The following UBE2L3 variants were observed in gnomAD, a reference collection of about 807,000 sequenced individuals.
The protein encoded by UBE2L3 is ubiquitin conjugating enzyme E2 L3.
In UBE2L3, 1 loss-of-function variant was observed where a neutral mutation model predicts 17.8. That is an observed-to-expected ratio of 0.06 (90% CI 0.02 to 0.27). The LOEUF is 0.27. UBE2L3 is among the 10% of genes least tolerant of loss of function. The pLI, the probability that UBE2L3 is intolerant of heterozygous loss-of-function variation, is 1.00. For missense variants in UBE2L3, 40 were observed against 192.6 expected, an observed-to-expected ratio of 0.21 and a Z score of 4.69; for synonymous variants, 44 against 68.5, an observed-to-expected ratio of 0.64 and a Z score of 1.76.
At chr22:21,610,733 C>G (rs1601437746) in intron 2 of UBE2L3, 124 bp from the exon 3 acceptor site, 1 of 1,099,240 alleles carries the variant, frequency 9.1e-7, no homozygotes, top group Admixed American at 3.4e-5. Context: ...GGTGGCAGGG[C>G]TTCAGTTGAT....
Position 21,591,416 on chromosome 22 carries a change from G to T in UBE2L3, c.28-1445G>T, listed in dbSNP as rs146164903. On this transcript the variant is annotated intron_variant, in intron 1 of 3. Transcript: ENST00000342192. Reference sequence around the variant, plus strand: ...AGGGTGACAGGCAGGAGCACCCTGTGGGGGGAAACTTGTGCCTGTTGCCTG... The same window carrying T: ...AGGGTGACAGGCAGGAGCACCCTGTTGGGGGAAACTTGTGCCTGTTGCCTG... 5.9e-5 allele frequency among the ~76,000 whole-genome samples: 9 copies of T among 152,272 alleles called. No individual in the cohort carries two copies. The East Asian group carries it at 9.6e-4, about 16-fold the overall frequency.
At chr22:21,598,383 G>A (rs1227702805) in intron 2 of UBE2L3, among the ~76,000 whole-genome samples, 7 of 151,612 alleles carry the variant, frequency 4.6e-5, no homozygotes, top group African/African-American at 1.7e-4. Flanking sequence ...TTAAGTTTTG[G>A]TATGTCATTT....
At chr22:21,600,539 T>A in intron 2 of UBE2L3, among the ~76,000 whole-genome samples, 1 of 150,944 alleles carries the variant, frequency 6.6e-6, no homozygotes, top group African/African-American at 2.4e-5. Flanking sequence ...CTACTAAAAA[T>A]ATAAAAATTA....
upstream of UBE2L3, among the ~76,000 whole-genome samples, chr22:21,565,018 T>C (rs1926578067): frequency 6.6e-6 from 1 of 151,980 alleles, no homozygotes; most frequent in Non-Finnish European, 1.5e-5. Context: ...TCATCTAGTT[T>C]CTCCCTCCTT....
chr22:21,588,583 C>T (rs886862565), intron 1 of UBE2L3, among the ~76,000 whole-genome samples: 2 of 150,930 alleles, frequency 1.3e-5, no homozygotes, highest in South Asian at 2.1e-4. Flanking sequence ...GTGATTCTTC[C>T]GCTTTCACCT....
intron 1 of UBE2L3, among the ~76,000 whole-genome samples, chr22:21,557,820 C>T (rs1463249961): frequency 4.6e-5 from 7 of 152,170 alleles, no homozygotes; most frequent in Non-Finnish European, 7.3e-5. Flanking sequence ...AGCACCCGGC[C>T]GGCAGATCTA....
chr22:21,584,623 G>A (rs1360808267), intron 1 of UBE2L3, among the ~76,000 whole-genome samples: 3 of 151,508 alleles, frequency 2.0e-5, no homozygotes, highest in Non-Finnish European at 4.4e-5. Flanking sequence ...GTAGAGATGA[G>A]GTCTTACTGT....
At chr22:21,573,037 C>G (rs1256814790) in intron 1 of UBE2L3, among the ~76,000 whole-genome samples, 1 of 152,132 alleles carries the variant, frequency 6.6e-6, no homozygotes, top group Non-Finnish European at 1.5e-5. Flanking sequence ...TTCAGGCCAT[C>G]CCTGTTTGTG....
intron 1 of UBE2L3, among the ~76,000 whole-genome samples, chr22:21,562,670 CTTTTTTTTTT>C (rs131653): frequency 2.9e-5 from 3 of 105,224 alleles, no homozygotes; most frequent in Non-Finnish European, 5.7e-5. Flanking sequence ...CACGCCTGGG[CTTTTTTTTTT>C]TTTTTTTTTT....
At chr22:21,563,204 T>C (rs571533583), upstream of UBE2L3, among the ~76,000 whole-genome samples, 58 of 113,354 alleles carry the variant, frequency 5.1e-4, 2 homozygotes, top group African/African-American at 1.9e-3. Context: ...ATTGCGCCAC[T>C]GCACTCCAGC....
chr22:21,578,993 ATTTATTTATTTT>A (rs1927477558), intron 1 of UBE2L3, among the ~76,000 whole-genome samples: 1 of 148,416 alleles, frequency 6.7e-6, no homozygotes, highest in African/African-American at 2.5e-5. Context: ...TTATTTATTT[ATTTATTTATTTT>A]TTGAGATGGA....
upstream of UBE2L3, among the ~76,000 whole-genome samples, chr22:21,567,354 C>T (rs2194827): frequency 7.0e-3 from 1,069 of 152,184 alleles, 8 homozygotes; most frequent in African/African-American, 0.024. Flanking sequence ...TAGTAGAGAC[C>T]GAGTTTCACC....
intron 1 of UBE2L3, among the ~76,000 whole-genome samples, chr22:21,589,238 T>C (rs921053505): frequency 6.7e-6 from 1 of 149,162 alleles, no homozygotes; most frequent in Non-Finnish European, 1.5e-5. Context: ...CTCTGCCTCC[T>C]GGGTTCACGC....
intron 1 of UBE2L3, among the ~76,000 whole-genome samples, chr22:21,581,569 A>G (rs111965459): frequency 0.013 from 2,003 of 152,256 alleles, 49 homozygotes; most frequent in African/African-American, 0.047. Flanking sequence ...TGGGAGGCCT[A>G]GATGGGCAGA....
At chr22:21,586,875 CTT>C (rs34463645) in intron 1 of UBE2L3, among the ~76,000 whole-genome samples, 20,709 of 118,456 alleles carry the variant, frequency 0.17, 2,357 homozygotes, top group East Asian at 0.46. Context: ...TGTGCCCGGC[CTT>C]TTTTTTTTTT....
chr22:21,610,833 A>G, intron 2 of UBE2L3, 24 bp from the exon 3 acceptor site: 2 of 1,577,178 alleles, frequency 1.3e-6, no homozygotes, highest in Non-Finnish European at 1.7e-6. Context: ...TGGTGTGTTC[A>G]TTTTGATCTC....
At position 21,621,918 on chromosome 22, in the gene UBE2L3, A is replaced by T. The variant is rs1018409838; in HGVS notation, c.*249A>T. On this transcript the variant is annotated 3_prime_UTR_variant, in exon 4 of 4. Transcript: ENST00000342192. Reference sequence around the variant, plus strand: ...AAAAATCACTGCTTCAATCTACTTCAAAAGAATGGTGTTTCTTTTCTTGTC... The same window carrying T: ...AAAAATCACTGCTTCAATCTACTTCTAAAGAATGGTGTTTCTTTTCTTGTC... The T allele has an allele frequency of 1.4e-5, 6 of 426,270 alleles. No individual in the cohort carries two copies. In the East Asian group the frequency reaches 1.8e-4, roughly 13 times the overall value. 26.4% of individuals were successfully genotyped at this position (426,270 alleles called of 1,614,324 possible). A position where few individuals can be genotyped will look rare whatever the true frequency, so the allele number is the denominator to read the frequency against.
intron 1 of UBE2L3, among the ~76,000 whole-genome samples, chr22:21,557,882 A>G (rs375438761): frequency 1.4e-3 from 207 of 152,196 alleles, no homozygotes; most frequent in African/African-American, 4.2e-3. Flanking sequence ...TTAATAAAGC[A>G]TTATGCTCCT....
intron 1 of UBE2L3, among the ~76,000 whole-genome samples, chr22:21,555,773 A>G (rs1298476730): frequency 3.3e-5 from 5 of 151,362 alleles, no homozygotes; most frequent in Admixed American, 2.6e-4. Flanking sequence ...CTCTATTAAA[A>G]ATACAAAAAT....
Sources: allele counts gnomAD v4.1 joint callset (sites outside exome capture counted in the v4.1 genomes callset), GRCh38; gene constraint gnomAD v4.1.1; transcripts MANE v1.5; gene names NCBI Gene and HGNC (gene_info 2026-07-23, HGNC 2026-07-21).